Variants in CD3G observed in about 807,000 individuals in gnomAD.
CD3G encodes the protein CD3 gamma subunit of T-cell receptor complex, also known as T-cell surface glycoprotein CD3 gamma chain.
Under a neutral mutation model 28.3 loss-of-function variants are expected in CD3G, and 24 were observed. The observed-to-expected ratio is 0.85, with a 90% confidence interval of 0.61 to 1.19. The LOEUF is 1.19. CD3G is among the 50% of genes most tolerant of loss of function. The pLI is 0.00. For missense variants in CD3G, 211 were observed against 210.0 expected (o/e 1.00, Z -0.03); for synonymous variants, 71 against 75.9 (o/e 0.93, Z 0.34).
chr11:118,349,437 G>T, intron 2 of CD3G: 1 of 678,804 alleles, frequency 1.5e-6, no homozygotes, highest in Non-Finnish European at 2.3e-6. Context: ...TTTCTTACCT[G>T]TATAGTATCT....
chr11:118,349,231 C>A (rs1172538533), intron 2 of CD3G, 181 bp downstream of exon 2: 3 of 1,537,284 alleles, frequency 2.0e-6, no homozygotes, highest in Non-Finnish European at 2.6e-6. Context: ...GGGCAGCTTG[C>A]CTGTAGCTAA....
Position 118,344,423 on chromosome 11 carries a change from C to T in CD3G, c.-1C>T, listed in dbSNP as rs201508267. On this transcript the variant is annotated 5_prime_UTR_variant, in exon 1 of 7. Coordinates refer to ENST00000532917, the MANE Select transcript of CD3G (RefSeq NM_000073.3). ...GCTTTTGCCGGAGGACAGAGACTGA[C>T]ATGGAACAGGGGAAGGGCCTGGCTG... 16 of 1,568,560 alleles carry T rather than the reference C, an allele frequency of 1.0e-5. No individual in the cohort carries two copies. The highest frequency in any genetic ancestry group is 1.2e-5 in the Non-Finnish European group (14 of 1,156,136).
rs538883569 is a variant in CD3G, at chr11:118,352,572, A to C, written c.*18+85A>C. ...CTTCTAAGTCTAGCTCCCTTCCCTAAGCGGCTATAAGCATCAGACTCTGGG... is the reference window on the plus strand; with the variant it reads ...CTTCTAAGTCTAGCTCCCTTCCCTACGCGGCTATAAGCATCAGACTCTGGG... On this transcript the variant is annotated intron_variant, in intron 6 of 6. Transcript: ENST00000532917. 1.5e-4 allele frequency: 132 copies of C among 907,642 alleles called. 1 individual carries two copies. The highest frequency in any genetic ancestry group is 4.4e-4 in the South Asian group (34 of 76,664). The allele number at this position is 907,642 out of a possible 1,614,324, so 56.2% of individuals were successfully genotyped here. A position where few individuals can be genotyped will look rare whatever the true frequency, so the allele number is the denominator to read the frequency against.
chr11:118,351,792 T>C lies in CD3G; in HGVS notation c.483+121T>C, dbSNP rs1459805857. 1.2e-5 allele frequency: 10 copies of C among 860,186 alleles called. No individual in the cohort carries two copies. In the South Asian group the frequency reaches 1.3e-4, roughly 11 times the overall value. The allele number at this position is 860,186 out of a possible 1,614,324, so 53.3% of individuals were successfully genotyped here. On this transcript the variant is annotated intron_variant, in intron 5 of 6. Coordinates refer to ENST00000532917, the MANE Select transcript of CD3G (RefSeq NM_000073.3). ...AAGAAACTGCTAACAGCATACCAGA[T>C]GATGAGATCAGTTTGGGTAGAATAA...
At chr11:118,351,065 G>A (rs1174718) in intron 4 of CD3G, among the ~76,000 whole-genome samples, 2 of 151,288 alleles carry the variant, frequency 1.3e-5, no homozygotes, top group African/African-American at 4.9e-5. Flanking sequence ...GCGGGTGCCT[G>A]TAGTCCCAGC....
At chr11:118,348,546 T>G (rs1948376967) in intron 1 of CD3G, among the ~76,000 whole-genome samples, 1 of 152,128 alleles carries the variant, frequency 6.6e-6, no homozygotes, top group African/African-American at 2.4e-5. Context: ...ACCAGGAAGC[T>G]CCACCAAGTT....
Position 118,353,314 on chromosome 11 carries a change from C to T in CD3G, c.*214C>T, listed in dbSNP as rs199623469. 2 of 151,948 alleles carry T rather than the reference C, an allele frequency of 1.3e-5. No individual in the cohort carries two copies. The highest frequency in any genetic ancestry group is 2.4e-5 in the African/African-American group (1 of 41,358). 9.4% of individuals were successfully genotyped at this position (151,948 alleles called of 1,614,324 possible). A position where few individuals can be genotyped will look rare whatever the true frequency, so the allele number is the denominator to read the frequency against. ...AAAAACAAATACTGTGTTTCAGAAG[C>T]GCCACCTATTGGGGAAAATTGTAAA... is the stretch of plus-strand genomic sequence containing the variant. On this transcript the variant is annotated 3_prime_UTR_variant, in exon 7 of 7. Transcript: ENST00000532917.
In CD3G at chr11:118,353,455, C is replaced by G. The variant is rs1281533588; in HGVS notation, c.*355C>G. The G allele has an allele frequency of 6.6e-6, 1 of 151,438 alleles. No homozygotes were observed. The highest frequency in any genetic ancestry group is 1.5e-5 in the Non-Finnish European group (1 of 67,934). 9.4% of individuals were successfully genotyped at this position (151,438 alleles called of 1,614,324 possible). On this transcript the variant is annotated 3_prime_UTR_variant, in exon 7 of 7. Transcript: ENST00000532917. ...ACATGGCTCAAATATTCAGTGAAAG[C>G]TCTCCCTCCACCGCCATCCCCTGCT...
chr11:118,347,642 A>AT (rs1397264343), intron 1 of CD3G, among the ~76,000 whole-genome samples: 2 of 151,880 alleles, frequency 1.3e-5, no homozygotes, highest in South Asian at 2.1e-4. Context: ...GTTTGTTTTT[A>AT]TTTTTTTGAG....
chr11:118,349,192 C>A, intron 2 of CD3G, 142 bp downstream of exon 2: 1 of 1,597,682 alleles, frequency 6.3e-7, no homozygotes, highest in South Asian at 1.1e-5. Flanking sequence ...TATTGTCAAC[C>A]AAATCAGTGA....
At chr11:118,347,745 A>G (rs1353355015) in intron 1 of CD3G, among the ~76,000 whole-genome samples, 3 of 152,082 alleles carry the variant, frequency 2.0e-5, no homozygotes, top group African/African-American at 7.2e-5. Context: ...CCACCTCCTG[A>G]GTAGCTGGGA....
chr11:118,350,374 G>A (rs770636926), intron 3 of CD3G, among the ~76,000 whole-genome samples, 178 bp from the exon 4 acceptor site: 1 of 152,114 alleles, frequency 6.6e-6, no homozygotes, highest in Non-Finnish European at 1.5e-5. Context: ...GAATCCTGGG[G>A]GACTTAAGAG....
chr11:118,349,528 G>A (rs889305884), intron 2 of CD3G: 14 of 622,272 alleles, frequency 2.2e-5, no homozygotes, highest in East Asian at 2.0e-4. Flanking sequence ...ACCCCCTGAC[G>A]CAGATATTGG....
chr11:118,347,604 A>G (rs1269133629), intron 1 of CD3G, among the ~76,000 whole-genome samples: 1 of 152,094 alleles, frequency 6.6e-6, no homozygotes, highest in African/African-American at 2.4e-5. Context: ...ATGCAACTCT[A>G]CTACCCTAAG....
At chr11:118,346,567 A>G (rs1948358585) in intron 1 of CD3G, among the ~76,000 whole-genome samples, 1 of 152,036 alleles carries the variant, frequency 6.6e-6, no homozygotes, top group Non-Finnish European at 1.5e-5. Context: ...TATAATCCCA[A>G]CACTTTGGGA....
At chr11:118,351,762 C>A in intron 5 of CD3G, 91 bp downstream of exon 5, 2 of 1,200,496 alleles carry the variant, frequency 1.7e-6, no homozygotes, top group Non-Finnish European at 2.5e-6. Flanking sequence ...AGATCCTATA[C>A]AGGTAAGAAA....
At chr11:118,348,469 C>A (rs538770460) in intron 1 of CD3G, among the ~76,000 whole-genome samples, 1 of 152,268 alleles carries the variant, frequency 6.6e-6, no homozygotes, top group Admixed American at 6.5e-5. Flanking sequence ...GCCCTCTCCC[C>A]GTGGAATTAG....
intron 1 of CD3G, among the ~76,000 whole-genome samples, chr11:118,347,183 T>A (rs1948364748): frequency 6.6e-6 from 1 of 152,168 alleles, no homozygotes; most frequent in Non-Finnish European, 1.5e-5. Context: ...ACACTACCTC[T>A]CTTGTCCTTT....
At chr11:118,348,969 A>C in intron 1 of CD3G, 58 bp from the exon 2 acceptor site, 1 of 1,573,380 alleles carries the variant, frequency 6.4e-7, no homozygotes, top group South Asian at 1.1e-5. Context: ...GAAATACTTC[A>C]GGGCATCTGA....
Sources: gnomAD v4.1 joint callset for allele counts (sites outside exome capture counted in the v4.1 genomes callset) on GRCh38, gnomAD v4.1.1 for gene constraint, MANE v1.5 for transcripts, NCBI Gene and HGNC (gene_info 2026-07-23, HGNC 2026-07-21) for gene names.